Variants in IYD observed in about 807,000 individuals in gnomAD.
IYD encodes the protein iodotyrosine deiodinase 1.
A neutral mutation model predicts 28.4 loss-of-function variants in IYD; 25 were observed. The ratio of observed to expected loss-of-function variants is 0.88; its 90% CI spans 0.64 to 1.23. The LOEUF (loss-of-function observed/expected upper bound fraction) is 1.23. IYD is among the 50% of genes most tolerant of loss of function. The pLI is 0.00. For synonymous variants in IYD, 140 were observed against 130.8 expected (o/e 1.07, Z -0.48); for missense variants, 352 against 357.9 (o/e 0.98, Z 0.13).
chr6:150,375,277 T>C (rs1048363159), intron 1 of IYD, among the ~76,000 whole-genome samples: 4 of 152,208 alleles, frequency 2.6e-5, no homozygotes, highest in Admixed American at 2.6e-4. Context: ...TTTAGAGTTT[T>C]GGGGTGGGCC....
intron 2 of IYD, among the ~76,000 whole-genome samples, chr6:150,390,066 A>G (rs1238778328): frequency 6.6e-6 from 1 of 152,196 alleles, no homozygotes; most frequent in Non-Finnish European, 1.5e-5. Flanking sequence ...GTAAATTAAT[A>G]TTTCCACTGA....
chr6:150,390,123 A>G (rs192167937), intron 2 of IYD, among the ~76,000 whole-genome samples: 9 of 152,312 alleles, frequency 5.9e-5, no homozygotes, highest in Admixed American at 4.6e-4. Flanking sequence ...AAATAAGAGA[A>G]AGCTCCCTAC....
chr6:150,374,677 C>T (rs924360546), intron 1 of IYD, among the ~76,000 whole-genome samples: 3 of 152,178 alleles, frequency 2.0e-5, no homozygotes, highest in African/African-American at 7.2e-5. Context: ...AGGTCCCTCC[C>T]ACAACACATG....
chr6:150,397,429 G>A (rs960293401), intron 4 of IYD, among the ~76,000 whole-genome samples: 3 of 151,976 alleles, frequency 2.0e-5, no homozygotes, highest in Non-Finnish European at 4.4e-5. Flanking sequence ...ATATAGCCAG[G>A]CATGGTGGTG....
At chr6:150,370,474 C>T (rs1276903375) in intron 1 of IYD, 1 of 985,118 alleles carries the variant, frequency 1.0e-6, no homozygotes, top group African/African-American at 1.7e-5. Flanking sequence ...AATCTCAGGA[C>T]CGGGGCGCAG....
chr6:150,394,952 T>A (rs1412774947), intron 4 of IYD, among the ~76,000 whole-genome samples: 3 of 152,190 alleles, frequency 2.0e-5, no homozygotes, highest in Non-Finnish European at 2.9e-5. Flanking sequence ...CTCAGCCTCC[T>A]GAATAGCTGG....
chr6:150,382,077 C>A (rs1024928860), intron 1 of IYD, among the ~76,000 whole-genome samples: 8 of 152,142 alleles, frequency 5.3e-5, no homozygotes, highest in African/African-American at 9.7e-5. Flanking sequence ...TCTATTGCTG[C>A]GAGTACTGTC....
chr6:150,400,014 T>C lies in IYD; in HGVS notation c.*1777T>C, dbSNP rs1778462345. 2.0e-5 allele frequency: 3 copies of C among 152,212 alleles called. No individual in the cohort carries two copies. 9.4% of individuals were successfully genotyped at this position (152,212 alleles called of 1,614,324 possible). A position where few individuals can be genotyped will look rare whatever the true frequency, so the allele number is the denominator to read the frequency against. On this transcript the variant is annotated 3_prime_UTR_variant, in exon 5 of 5. Coordinates refer to ENST00000344419, the MANE Select transcript of IYD (RefSeq NM_203395.3). ...TCGGTACATGGTTAACATTCATAAATGGTGGGGGCCCTTACTGTGGTAGAA... is the reference window on the plus strand; with the variant it reads ...TCGGTACATGGTTAACATTCATAAACGGTGGGGGCCCTTACTGTGGTAGAA...
At chr6:150,376,740 C>G (rs1777457779) in intron 1 of IYD, among the ~76,000 whole-genome samples, 1 of 152,112 alleles carries the variant, frequency 6.6e-6, no homozygotes, top group Non-Finnish European at 1.5e-5. Context: ...ATCCTCCCAC[C>G]TCAGCCTCTT....
intron 1 of IYD, among the ~76,000 whole-genome samples, chr6:150,383,660 A>G (rs606775): frequency 0.39 from 59,879 of 151,694 alleles, 13,378 homozygotes; most frequent in Non-Finnish European, 0.52. Flanking sequence ...CAGCTAATCA[A>G]TGAGATCAAA....
chr6:150,378,129 C>T (rs1777515142), intron 1 of IYD, among the ~76,000 whole-genome samples: 2 of 152,170 alleles, frequency 1.3e-5, no homozygotes, highest in Admixed American at 1.3e-4. Flanking sequence ...CCAAGTCCCT[C>T]AGGGCGGGTC....
intron 4 of IYD, among the ~76,000 whole-genome samples, chr6:150,397,406 A>G (rs1413154239): frequency 6.6e-6 from 1 of 151,912 alleles, no homozygotes. Context: ...CCATCTCTAT[A>G]AATAAATACA....
chr6:150,376,949 C>T (rs7749894), intron 1 of IYD, among the ~76,000 whole-genome samples: 41,303 of 152,026 alleles, frequency 0.27, 7,006 homozygotes, highest in African/African-American at 0.48. Flanking sequence ...GAAAGAAATG[C>T]CCCTAGTCAG....
chr6:150,398,349 T>C lies in IYD; in HGVS notation c.*112T>C. On this transcript the variant is annotated 3_prime_UTR_variant, in exon 5 of 5. Transcript: ENST00000344419. ...CTCTTTCTCCAGGTGTCAGGTCCCC[T>C]CATTGCTCTTCTCAGGTGGCCACAC... 1.0e-6 allele frequency: 1 copy of C among 1,004,800 alleles called. No homozygotes were observed. Among genetic ancestry groups the C allele is most frequent in the South Asian group, 1.4e-5 (1 of 72,566 alleles). 62.2% of individuals were successfully genotyped at this position (1,004,800 alleles called of 1,614,324 possible).
intron 1 of IYD, among the ~76,000 whole-genome samples, chr6:150,371,985 C>G (rs1010241572): frequency 1.3e-5 from 2 of 152,178 alleles, no homozygotes; most frequent in Non-Finnish European, 2.9e-5. Context: ...GGATATTACT[C>G]TAGGTCCAGA....
intron 1 of IYD, chr6:150,370,161 G>A: frequency 1.5e-6 from 1 of 652,414 alleles, no homozygotes; most frequent in Non-Finnish European, 2.8e-6. Flanking sequence ...GGACATGTGA[G>A]TGTGTGTGAG....
At chr6:150,376,874 A>G (rs1045163224) in intron 1 of IYD, among the ~76,000 whole-genome samples, 3 of 152,092 alleles carry the variant, frequency 2.0e-5, no homozygotes, top group African/African-American at 7.2e-5. Flanking sequence ...CTCCTACCTC[A>G]GCCTCCCAAA....
At chr6:150,385,767 TTC>T (rs1777840073) in intron 1 of IYD, among the ~76,000 whole-genome samples, 1 of 152,008 alleles carries the variant, frequency 6.6e-6, no homozygotes, top group Admixed American at 6.5e-5. Flanking sequence ...TAGAGTTGCT[TTC>T]TCTTTTAGGA....
intron 1 of IYD, among the ~76,000 whole-genome samples, chr6:150,380,042 G>T (rs62432484): frequency 0.069 from 10,497 of 152,186 alleles, 617 homozygotes; most frequent in East Asian, 0.29. Context: ...GAGGGAGGAA[G>T]CTTTCCCCCT....
Sources: gnomAD v4.1 joint callset for allele counts (sites outside exome capture counted in the v4.1 genomes callset) on GRCh38, gnomAD v4.1.1 for gene constraint, MANE v1.5 for transcripts, NCBI Gene and HGNC (gene_info 2026-07-23, HGNC 2026-07-21) for gene names.